The following AHCYL2 variants were observed in gnomAD, a reference collection of about 807,000 sequenced individuals.
The protein encoded by AHCYL2 is S-adenosylhomocysteine hydrolase-like protein 2.
Under a neutral mutation model 81.4 loss-of-function variants are expected in AHCYL2, and 28 were observed. That is an observed-to-expected ratio of 0.34 (90% CI 0.25 to 0.47). The LOEUF is 0.47. AHCYL2 is among the 20% of genes least tolerant of loss of function. The probability of loss-of-function intolerance (pLI) is 1.00; values close to 1 mark genes in which losing one functional copy is unlikely to be tolerated. For synonymous variants in AHCYL2, 272 were observed against 290.2 expected (o/e 0.94, Z 0.64); for missense variants, 551 against 785.1 (o/e 0.70, Z 3.56).
In AHCYL2 at chr7:129,430,066, T is replaced by C. The variant is rs1224404909; in HGVS notation, c.*3021T>C. 6.6e-6 allele frequency: 1 copy of C among 151,896 alleles called. No homozygotes were observed. Among genetic ancestry groups the C allele is most frequent in the Non-Finnish European group, 1.5e-5 (1 of 67,920 alleles). The allele number at this position is 151,896 out of a possible 1,614,324, so 9.4% of individuals were successfully genotyped here. A position where few individuals can be genotyped will look rare whatever the true frequency, so the allele number is the denominator to read the frequency against. ...ATATCTATATACGTAATCATCTAGT[T>C]CTGTCATCTTACTGAAAGGAATAAC... On this transcript the variant is annotated 3_prime_UTR_variant, in exon 17 of 17. Coordinates refer to ENST00000325006, the MANE Select transcript of AHCYL2 (RefSeq NM_015328.4).
chr7:129,407,526 A>G (rs1796362872), intron 10 of AHCYL2, among the ~76,000 whole-genome samples: 1 of 152,172 alleles, frequency 6.6e-6, no homozygotes. Context: ...TGCAGAGTCC[A>G]AGTGTCTGTA....
At chr7:129,362,615 T>A (rs901508509) in intron 1 of AHCYL2, among the ~76,000 whole-genome samples, 2 of 146,734 alleles carry the variant, frequency 1.4e-5, no homozygotes, top group African/African-American at 5.0e-5. Context: ...TTTTTTTTTT[T>A]TTTTTTTTTA....
At chr7:129,394,506 G>A (rs990526484) in intron 4 of AHCYL2, among the ~76,000 whole-genome samples, 4 of 130,736 alleles carry the variant, frequency 3.1e-5, no homozygotes, top group Admixed American at 9.5e-5. Flanking sequence ...GGAGTGCAAC[G>A]GTGCAATCTT....
chr7:129,318,130 A>G (rs994372183), intron 1 of AHCYL2, among the ~76,000 whole-genome samples: 2 of 152,244 alleles, frequency 1.3e-5, no homozygotes, highest in Non-Finnish European at 2.9e-5. Flanking sequence ...CTAAGATTAT[A>G]TGGAAGAGTC....
intron 1 of AHCYL2, among the ~76,000 whole-genome samples, chr7:129,331,872 T>C (rs936943256): frequency 6.6e-6 from 1 of 150,868 alleles, no homozygotes; most frequent in Admixed American, 6.6e-5. Context: ...TTAAAAAATA[T>C]ATATATATAT....
chr7:129,312,583 T>G (rs1797695653), intron 1 of AHCYL2, among the ~76,000 whole-genome samples: 1 of 152,124 alleles, frequency 6.6e-6, no homozygotes. Flanking sequence ...TCTGCTACAC[T>G]CCTTCAGATC....
At chr7:129,262,651 C>T (rs1010451504) in intron 1 of AHCYL2, among the ~76,000 whole-genome samples, 1 of 152,112 alleles carries the variant, frequency 6.6e-6, no homozygotes, top group Non-Finnish European at 1.5e-5. Context: ...TTCTGTTTAA[C>T]CCTTAGGAAA....
intron 1 of AHCYL2, among the ~76,000 whole-genome samples, chr7:129,290,727 G>A (rs1376386437): frequency 3.3e-5 from 5 of 151,774 alleles, no homozygotes; most frequent in Middle Eastern, 6.9e-3. Context: ...TCAGGAGTTC[G>A]AGACCAGCCT....
intron 1 of AHCYL2, among the ~76,000 whole-genome samples, chr7:129,350,738 T>C (rs1404154328): frequency 6.9e-6 from 1 of 145,758 alleles, no homozygotes; most frequent in Non-Finnish European, 1.5e-5. Context: ...TTTTATCTTT[T>C]AGGGATGGAG....
At chr7:129,402,501 G>T (rs1246951220) in intron 6 of AHCYL2, among the ~76,000 whole-genome samples, 1 of 152,154 alleles carries the variant, frequency 6.6e-6, no homozygotes, top group African/African-American at 2.4e-5. Context: ...CCAGGAGGAT[G>T]GGTATAACAA....
chr7:129,251,509 T>C (rs2150703754), intron 1 of AHCYL2, among the ~76,000 whole-genome samples: 1 of 152,276 alleles, frequency 6.6e-6, no homozygotes. Context: ...AGTTTCTTCT[T>C]AGTAATTAAG....
At chr7:129,231,331 T>C (rs1584683040) in intron 1 of AHCYL2, among the ~76,000 whole-genome samples, 1 of 152,194 alleles carries the variant, frequency 6.6e-6, no homozygotes, top group Non-Finnish European at 1.5e-5. Flanking sequence ...CTACTACTAC[T>C]AGTACTACCT....
At position 129,333,602 on chromosome 7, in the gene AHCYL2, C is replaced by T. The variant is rs374466844; in HGVS notation, c.364-46036C>T. Reference sequence around the variant, plus strand: ...AAGAGAAAAGTGAGTGTGGCAGTTACTCATTTAGTTCAGATATGGGGAAAA... The same window carrying T: ...AAGAGAAAAGTGAGTGTGGCAGTTATTCATTTAGTTCAGATATGGGGAAAA... On this transcript the variant is annotated intron_variant, in intron 1 of 16. Transcript: ENST00000325006. Among the ~76,000 whole-genome samples, 15 of 152,158 alleles carry T rather than the reference C, an allele frequency of 9.9e-5. No individual in the cohort carries two copies. In the East Asian group the frequency reaches 1.5e-3, roughly 16 times the overall value.
intron 1 of AHCYL2, among the ~76,000 whole-genome samples, chr7:129,293,112 G>A (rs2150753091): frequency 6.6e-6 from 1 of 150,960 alleles, no homozygotes; most frequent in Admixed American, 6.7e-5. Context: ...ACTGTGCCTG[G>A]CTTTCTCAAG....
intron 1 of AHCYL2, among the ~76,000 whole-genome samples, chr7:129,343,887 T>C (rs754850097): frequency 2.0e-5 from 3 of 152,096 alleles, no homozygotes; most frequent in Non-Finnish European, 4.4e-5. Context: ...ATATTCACAA[T>C]ACATATACAG....
At chr7:129,265,043 A>G (rs1795768196) in intron 1 of AHCYL2, among the ~76,000 whole-genome samples, 1 of 152,234 alleles carries the variant, frequency 6.6e-6, no homozygotes, top group Non-Finnish European at 1.5e-5. Context: ...AAATCTGGTC[A>G]ATTGTAATCC....
intron 1 of AHCYL2, among the ~76,000 whole-genome samples, chr7:129,251,463 ATTG>A (rs1434191234): frequency 6.6e-5 from 10 of 151,950 alleles, no homozygotes; most frequent in Admixed American, 6.6e-4. Context: ...TAGAGTAGGA[ATTG>A]TTGTCTATTT....
chr7:129,261,120 C>A (rs1795621915), intron 1 of AHCYL2, among the ~76,000 whole-genome samples: 1 of 152,058 alleles, frequency 6.6e-6, no homozygotes, highest in African/African-American at 2.4e-5. Flanking sequence ...CTGTATACTT[C>A]TAAAAAATAA....
intron 1 of AHCYL2, chr7:129,377,415 C>T: frequency 2.7e-6 from 1 of 373,140 alleles, no homozygotes; most frequent in Non-Finnish European, 5.5e-6. Context: ...ACTCTGTAGG[C>T]TTTATTTGTT....
Sources: gnomAD v4.1 joint callset for allele counts (sites outside exome capture counted in the v4.1 genomes callset) on GRCh38, gnomAD v4.1.1 for gene constraint, MANE v1.5 for transcripts, NCBI Gene and HGNC (gene_info 2026-07-23, HGNC 2026-07-21) for gene names.